The following MCEE variants were observed in gnomAD, a reference collection of about 807,000 sequenced individuals.
The protein encoded by MCEE is methylmalonyl-CoA epimerase, mitochondrial.
A neutral mutation model predicts 12.9 loss-of-function variants in MCEE; 6 were observed. That is an observed-to-expected ratio of 0.47 (90% CI 0.26 to 0.92). MCEE has a LOEUF of 0.92. Ranked by LOEUF, MCEE falls within the 40% of genes least tolerant of loss-of-function variation. The pLI is 0.16. For synonymous variants in MCEE, 78 were observed against 77.9 expected, an observed-to-expected ratio of 1.00 and a Z score of -0.01; for missense variants, 214 against 212.1, an observed-to-expected ratio of 1.01 and a Z score of -0.05.
chr2:71,128,982 C>G (rs1399128671), intron 1 of MCEE, among the ~76,000 whole-genome samples: 1 of 124,796 alleles, frequency 8.0e-6, no homozygotes, highest in Admixed American at 7.8e-5. Context: ...GAGACTCTGT[C>G]TCAAAAAAAA....
intron 2 of MCEE, among the ~76,000 whole-genome samples, chr2:71,112,786 C>T (rs1427386230): frequency 6.6e-6 from 1 of 152,098 alleles, no homozygotes; most frequent in East Asian, 1.9e-4. Flanking sequence ...TTTCTTGAAA[C>T]CATAGAGTGA....
In MCEE at chr2:71,118,121, C is replaced by T. The variant is rs1286119006; in HGVS notation, c.378+6085G>A. On this transcript the variant is annotated intron_variant, in intron 2 of 2. Transcript: ENST00000244217. ...TACACATCCTCCTCACCCTGTGTGG[C>T]TCTGACTCCCCATACCTGCCCCCTA... 2.7e-5 allele frequency among the ~76,000 whole-genome samples: 4 copies of T among 150,190 alleles called. No homozygotes were observed. In the East Asian group the frequency reaches 5.8e-4, roughly 22 times the overall value.
At chr2:71,124,164 AAG>A (rs1396189633) in intron 2 of MCEE, 40 bp downstream of exon 2, 3 of 1,455,562 alleles carry the variant, frequency 2.1e-6, no homozygotes, top group Non-Finnish European at 2.9e-6. Context: ...CATTTTTTAA[AAG>A]AGAGATTTAA....
At position 71,120,948 on chromosome 2, in the gene MCEE, G is replaced by T. The variant is rs150427489; in HGVS notation, c.378+3258C>A. Among the ~76,000 whole-genome samples the T allele has an allele frequency of 1.9e-3, 284 of 152,244 alleles. 2 individuals carry two copies. Among genetic ancestry groups the T allele is most frequent in the African/African-American group, 6.4e-3 (265 of 41,540 alleles). The stretch of plus-strand genomic sequence containing the variant: ...GATGGGGTTTCACCGTGTTGCCCAG[G>T]CTGGTCTCAAACTCCTGAGCTCAGG... On this transcript the variant is annotated intron_variant, in intron 2 of 2. Coordinates refer to ENST00000244217, the MANE Select transcript of MCEE (RefSeq NM_032601.4).
intron 2 of MCEE, among the ~76,000 whole-genome samples, chr2:71,110,492 T>C (rs1312991203): frequency 6.6e-6 from 1 of 152,218 alleles, no homozygotes; most frequent in Non-Finnish European, 1.5e-5. Flanking sequence ...AAATGAGGTC[T>C]ACCACATAAA....
intron 2 of MCEE, 79 bp from the exon 3 acceptor site, chr2:71,110,201 CTT>C (rs1341264969): frequency 7.9e-7 from 1 of 1,266,746 alleles, no homozygotes; most frequent in Non-Finnish European, 1.1e-6. Flanking sequence ...TTAGAAAAAA[CTT>C]TGAGAGCTCA....
chr2:71,129,775 T>C, intron 1 of MCEE: 1 of 304,082 alleles, frequency 3.3e-6, no homozygotes, highest in East Asian at 8.4e-5. Context: ...CTAGTAGTTG[T>C]TGTTTTTACG....
At chr2:71,113,614 A>G (rs113253676) in intron 2 of MCEE, among the ~76,000 whole-genome samples, 6 of 152,364 alleles carry the variant, frequency 3.9e-5, no homozygotes, top group African/African-American at 1.4e-4. Flanking sequence ...AAAGGGACAT[A>G]AGAATCAACT....
chr2:71,109,993 G>A lies in MCEE; in HGVS notation c.508C>T (p.Leu170Phe). The change falls in exon 3 of 3, where the codon CTT (leucine) becomes TTT (phenylalanine). Residue 170 changes from leucine to phenylalanine, a missense_variant. Transcript: ENST00000244217. ...FLHPKDCGGV[L>F]VELEQA Reference sequence around the variant, plus strand: ...AATCAAGCTTGCTCCAGTTCCACAAGGACTCCACCACAGTCTTTAGGATGG... The same window carrying A: ...AATCAAGCTTGCTCCAGTTCCACAAAGACTCCACCACAGTCTTTAGGATGG... 1 of 1,613,634 alleles carries A rather than the reference G, an allele frequency of 6.2e-7. No individual in the cohort carries two copies. The highest frequency in any genetic ancestry group is 8.5e-7 in the Non-Finnish European group (1 of 1,179,844).
intron 2 of MCEE, among the ~76,000 whole-genome samples, chr2:71,117,312 A>C (rs1324284672): frequency 6.6e-6 from 1 of 150,576 alleles, no homozygotes; most frequent in Non-Finnish European, 1.5e-5. Flanking sequence ...AGCTTCCACA[A>C]TGACTATATA....
intron 1 of MCEE, 82 bp downstream of exon 1, chr2:71,130,098 C>T: frequency 7.1e-7 from 1 of 1,410,538 alleles, no homozygotes; most frequent in East Asian, 2.4e-5. Flanking sequence ...GTGCTTTGGC[C>T]ACGCCGAGGC....
intron 1 of MCEE, among the ~76,000 whole-genome samples, chr2:71,125,215 T>TTTTTTTTTC (rs1673199919): frequency 1.3e-5 from 1 of 77,716 alleles, no homozygotes; most frequent in East Asian, 2.7e-4. Context: ...ATATATATTT[T>TTTTTTTTTC]TTTTTTTTTT....
chr2:71,122,455 C>T (rs1334205031), intron 2 of MCEE, among the ~76,000 whole-genome samples: 1 of 152,114 alleles, frequency 6.6e-6, no homozygotes, highest in African/African-American at 2.4e-5. Flanking sequence ...AAGACATACC[C>T]GAGACTGGGC....
In MCEE at chr2:71,124,397, C is replaced by T; in HGVS notation, c.187G>A (p.Ala63Thr). 6.2e-7 allele frequency: 1 copy of T among 1,614,138 alleles called. No individual in the cohort carries two copies. Among genetic ancestry groups the T allele is most frequent in the Admixed American group, 1.7e-5 (1 of 60,016 alleles). ...IAVPDLEKAA[A>T]FYKNILGAQV... ...GCCCCCAGAATATTCTTATAAAATG[C>T]TGCAGCCTTTTCCAAATCTGGCACT... The change falls in exon 2 of 3, where the codon GCA (alanine) becomes ACA (threonine). Residue 63 changes from alanine (A) to threonine (T), a missense_variant. Transcript: ENST00000244217.
intron 1 of MCEE, among the ~76,000 whole-genome samples, chr2:71,128,962 G>A (rs938851325): frequency 2.7e-5 from 4 of 149,852 alleles, no homozygotes; most frequent in African/African-American, 9.9e-5. Context: ...TCCAGCCTGG[G>A]CGACAGAGTG....
intron 2 of MCEE, among the ~76,000 whole-genome samples, chr2:71,121,931 C>T (rs76497479): frequency 0.056 from 8,487 of 152,208 alleles, 335 homozygotes; most frequent in Non-Finnish European, 0.085. Context: ...AGAGTGCAGA[C>T]CCTGGAATCA....
chr2:71,123,448 G>A (rs763692742), intron 2 of MCEE, among the ~76,000 whole-genome samples: 5 of 146,748 alleles, frequency 3.4e-5, no homozygotes, highest in South Asian at 2.1e-4. Context: ...CCGAGATCAC[G>A]CCACACTGCA....
intron 1 of MCEE, among the ~76,000 whole-genome samples, chr2:71,127,322 T>C (rs186829966): frequency 9.9e-4 from 151 of 152,378 alleles, no homozygotes; most frequent in Middle Eastern, 3.4e-3. Flanking sequence ...TTTGCATTTA[T>C]TTCAGATCAC....
chr2:71,115,565 G>T (rs1672974856), intron 2 of MCEE, among the ~76,000 whole-genome samples: 2 of 150,300 alleles, frequency 1.3e-5, no homozygotes, highest in African/African-American at 5.0e-5. Flanking sequence ...GTAATAAAAA[G>T]AATAAAATTA....
Sources: gnomAD v4.1 joint callset for allele counts (sites outside exome capture counted in the v4.1 genomes callset) on GRCh38, gnomAD v4.1.1 for gene constraint, MANE v1.5 for transcripts, NCBI Gene and HGNC (gene_info 2026-07-23, HGNC 2026-07-21) for gene names.